Variants in MARCHF3 observed in about 807,000 individuals in gnomAD.
MARCHF3 encodes the protein E3 ubiquitin-protein ligase MARCHF3.
A neutral mutation model predicts 24.2 loss-of-function variants in MARCHF3; 13 were observed. That is an observed-to-expected ratio of 0.54 (90% CI 0.35 to 0.85). The LOEUF is 0.85. MARCHF3 is among the 40% of genes least tolerant of loss of function. MARCHF3 has a pLI of 0.01. For synonymous variants in MARCHF3, 144 were observed against 137.3 expected (o/e 1.05, Z -0.34); for missense variants, 276 against 325.0 (o/e 0.85, Z 1.16).
chr5:126,895,100 A>G (rs1325762928), intron 3 of MARCHF3, among the ~76,000 whole-genome samples: 2 of 152,008 alleles, frequency 1.3e-5, no homozygotes, highest in African/African-American at 4.8e-5. Flanking sequence ...AGTTGATCGC[A>G]TCAGCTCCTG....
At chr5:126,914,854 C>T (rs1400260768) in intron 3 of MARCHF3, 76 bp downstream of exon 3, 1 of 1,460,094 alleles carries the variant, frequency 6.8e-7, no homozygotes, top group Non-Finnish European at 9.5e-7. Context: ...CTGTACAGGG[C>T]TTGTGATCCA....
At position 126,961,806 on chromosome 5, in the gene MARCHF3, G is replaced by T. The variant is rs369695667; in HGVS notation, c.-56-43579C>A. On this transcript the variant is annotated intron_variant, in intron 1 of 4. Transcript: ENST00000308660. ...TGAATGCAATATGCATGGGGCAACC[G>T]GCCCCCAGGCAGTCACTGAGTCATT... 3.3e-5 allele frequency among the ~76,000 whole-genome samples: 5 copies of T among 152,214 alleles called. No homozygotes were observed. In the East Asian group the frequency reaches 5.8e-4, roughly 18 times the overall value.
At chr5:126,919,238 C>T (rs868395140) in intron 1 of MARCHF3, among the ~76,000 whole-genome samples, 3 of 152,140 alleles carry the variant, frequency 2.0e-5, no homozygotes, top group Admixed American at 6.5e-5. Context: ...AATAATAGGT[C>T]AGCATGTGAC....
intron 2 of MARCHF3, 133 bp from the exon 3 acceptor site, chr5:126,915,267 C>T: frequency 1.2e-6 from 1 of 806,058 alleles, no homozygotes; most frequent in Non-Finnish European, 1.9e-6. Context: ...TACACTTGAC[C>T]TTGGCAATGG....
intron 3 of MARCHF3, among the ~76,000 whole-genome samples, chr5:126,892,591 T>G (rs1477873100): frequency 6.7e-6 from 1 of 149,826 alleles, no homozygotes; most frequent in Non-Finnish European, 1.5e-5. Flanking sequence ...TGGATTACAT[T>G]TATTGATTTG....
At chr5:126,949,127 A>G (rs1750130288) in intron 1 of MARCHF3, among the ~76,000 whole-genome samples, 1 of 152,224 alleles carries the variant, frequency 6.6e-6, no homozygotes, top group Non-Finnish European at 1.5e-5. Context: ...ATTGTTTAGG[A>G]GGCAAACACA....
At chr5:126,992,766 A>ATTTTTTTTTTTTTTTTT (rs757479478) in intron 1 of MARCHF3, among the ~76,000 whole-genome samples, 11 of 95,504 alleles carry the variant, frequency 1.2e-4, no homozygotes, top group South Asian at 7.9e-4. Flanking sequence ...CATCCACGTG[A>ATTTTTTTTTTTTTTTTT]TTTTTTTTTT....
chr5:127,008,550 G>A (rs1752379350), intron 1 of MARCHF3, among the ~76,000 whole-genome samples: 1 of 152,232 alleles, frequency 6.6e-6, no homozygotes, highest in Admixed American at 6.5e-5. Context: ...AAATGGGAGG[G>A]ATACGATGGG....
At chr5:126,935,556 G>GA (rs1054385361) in intron 1 of MARCHF3, among the ~76,000 whole-genome samples, 1 of 135,908 alleles carries the variant, frequency 7.4e-6, no homozygotes, top group Non-Finnish European at 1.6e-5. Flanking sequence ...TAACAGAGCA[G>GA]AAAACACCAA....
At chr5:126,922,552 A>ATTTT (rs369285219) in intron 1 of MARCHF3, among the ~76,000 whole-genome samples, 1 of 111,042 alleles carries the variant, frequency 9.0e-6, no homozygotes, top group African/African-American at 3.1e-5. Flanking sequence ...TTATTTATTT[A>ATTTT]TTATTTATTT....
chr5:126,897,834 GA>G (rs1274931547), intron 3 of MARCHF3, among the ~76,000 whole-genome samples: 2 of 151,570 alleles, frequency 1.3e-5, no homozygotes, highest in Non-Finnish European at 2.9e-5. Flanking sequence ...GGATGTTGAG[GA>G]AAAAAAATCA....
rs944405726 is a variant in MARCHF3, at chr5:126,911,456, G to T, written c.393+3474C>A. ...GCCGACACTTAGGGAAAATAGAAAA[G>T]AACCTACATGACTATCAGGGGCAGG... On this transcript the variant is annotated intron_variant, in intron 3 of 4. Transcript: ENST00000308660. Among the ~76,000 whole-genome samples the T allele has an allele frequency of 5.9e-5, 9 of 152,154 alleles. 1 individual carries two copies. The highest frequency in any genetic ancestry group is 2.2e-4 in the African/African-American group (9 of 41,436).
chr5:126,957,555 T>G (rs1750491102), intron 1 of MARCHF3, among the ~76,000 whole-genome samples: 1 of 152,282 alleles, frequency 6.6e-6, no homozygotes, highest in African/African-American at 2.4e-5. Flanking sequence ...CTCCCAATGG[T>G]TTCTCAATTG....
chr5:126,996,754 G>A (rs903063419), intron 1 of MARCHF3, among the ~76,000 whole-genome samples: 1 of 151,930 alleles, frequency 6.6e-6, no homozygotes, highest in African/African-American at 2.4e-5. Flanking sequence ...ACAGGGAACT[G>A]ATTAAATCAA....
chr5:126,929,154 G>T (rs924869854), intron 1 of MARCHF3, among the ~76,000 whole-genome samples: 2 of 152,166 alleles, frequency 1.3e-5, no homozygotes, highest in Non-Finnish European at 2.9e-5. Context: ...AGAAATTCAC[G>T]TAGAGGTCCT....
At chr5:126,989,863 C>T (rs1426560517) in intron 1 of MARCHF3, among the ~76,000 whole-genome samples, 4 of 152,062 alleles carry the variant, frequency 2.6e-5, no homozygotes, top group South Asian at 4.1e-4. Context: ...GTGGCTCACG[C>T]CTGTAATCCC....
chr5:126,889,493 T>C (rs552246692), intron 3 of MARCHF3, among the ~76,000 whole-genome samples: 1 of 151,980 alleles, frequency 6.6e-6, no homozygotes, highest in East Asian at 1.9e-4. Flanking sequence ...AAGCAGAGTA[T>C]GGTGGAGGGA....
At chr5:127,019,138 G>C (rs895523391) in intron 1 of MARCHF3, among the ~76,000 whole-genome samples, 1 of 152,022 alleles carries the variant, frequency 6.6e-6, no homozygotes, top group African/African-American at 2.4e-5. Flanking sequence ...AGTTCATTAG[G>C]GTTTATTGTG....
intron 3 of MARCHF3, among the ~76,000 whole-genome samples, chr5:126,909,635 C>T (rs1754444964): frequency 6.6e-6 from 1 of 152,162 alleles, no homozygotes; most frequent in African/African-American, 2.4e-5. Flanking sequence ...ACTCCCTGAC[C>T]CCTTGCACTT....
Sources: gnomAD v4.1 joint callset for allele counts (sites outside exome capture counted in the v4.1 genomes callset) on GRCh38, gnomAD v4.1.1 for gene constraint, MANE v1.5 for transcripts, NCBI Gene and HGNC (gene_info 2026-07-23, HGNC 2026-07-21) for gene names.